The following EPM2A variants were observed in gnomAD, a reference collection of about 807,000 sequenced individuals.
EPM2A encodes the protein EPM2A glucan phosphatase, laforin, also known as laforin.
In EPM2A, 21 loss-of-function variants were observed where a neutral mutation model predicts 26.5. The observed-to-expected ratio is 0.79, with a 90% CI of 0.56 to 1.14. The LOEUF (loss-of-function observed/expected upper bound fraction) is 1.14, where lower values mean the gene tolerates loss of function less well. Among genes scored for constraint, EPM2A ranks in the 50% most tolerant of loss-of-function variants. The pLI, the probability that EPM2A is intolerant of heterozygous loss-of-function variation, is 0.00. For synonymous variants in EPM2A, 217 were observed against 177.6 expected (o/e 1.22, Z -1.76); for missense variants, 458 against 440.8 (o/e 1.04, Z -0.35).
At chr6:145,564,883 C>T (rs1780862020) in intron 2 of EPM2A, among the ~76,000 whole-genome samples, 1 of 152,088 alleles carries the variant, frequency 6.6e-6, no homozygotes, top group Non-Finnish European at 1.5e-5. Flanking sequence ...TCTAGCTACC[C>T]TGCAGCAACT....
At chr6:145,669,533 T>C (rs1779493254) in intron 2 of EPM2A, among the ~76,000 whole-genome samples, 1 of 152,198 alleles carries the variant, frequency 6.6e-6, no homozygotes. Context: ...CTGACCCTAA[T>C]ATAATCAGCT....
At chr6:145,462,336 C>T (rs1263285234) in intron 4 of EPM2A, among the ~76,000 whole-genome samples, 2 of 151,980 alleles carry the variant, frequency 1.3e-5, no homozygotes, top group African/African-American at 4.8e-5. Context: ...GGATCAACCC[C>T]GTGCAACAAA....
At chr6:145,725,163 A>T (rs1366956575) in intron 1 of EPM2A, among the ~76,000 whole-genome samples, 2 of 152,068 alleles carry the variant, frequency 1.3e-5, no homozygotes, top group Non-Finnish European at 2.9e-5. Context: ...ACACCCAAAG[A>T]ATATATACAG....
intron 4 of EPM2A, among the ~76,000 whole-genome samples, chr6:145,475,578 G>T (rs775559565): frequency 2.0e-5 from 3 of 151,568 alleles, no homozygotes; most frequent in African/African-American, 4.8e-5. Context: ...AAACCTGCAC[G>T]TTCTGCACAA....
chr6:145,626,687 A>G lies in EPM2A; in HGVS notation c.*729T>C. 1 of 982,582 alleles carries G rather than the reference A, an allele frequency of 1.0e-6. No homozygotes were observed. The highest frequency in any genetic ancestry group is 5.2e-4 in the Middle Eastern group (1 of 1,912). The allele number at this position is 982,582 out of a possible 1,614,324, so 60.9% of individuals were successfully genotyped here. On this transcript the variant is annotated 3_prime_UTR_variant, in exon 4 of 4. Coordinates refer to ENST00000367519, the MANE Select transcript of EPM2A (RefSeq NM_005670.4). ...CTGGTCATGAGACCTTGGACAAGCTACCTATGCTCATTAAGCCTCAATTTA... is the reference window on the plus strand; with the variant it reads ...CTGGTCATGAGACCTTGGACAAGCTGCCTATGCTCATTAAGCCTCAATTTA...
chr6:145,625,010 C>T (rs994221648), downstream of EPM2A, among the ~76,000 whole-genome samples: 8 of 152,096 alleles, frequency 5.3e-5, no homozygotes, highest in African/African-American at 1.9e-4. Context: ...TTGAGAAATC[C>T]GTGATTGAAA....
intron 4 of EPM2A, among the ~76,000 whole-genome samples, chr6:145,462,770 C>G (rs971885850): frequency 9.9e-5 from 15 of 152,048 alleles, no homozygotes; most frequent in Non-Finnish European, 2.2e-4. Context: ...TTTTCTGGAC[C>G]CATCAATCTA....
chr6:145,506,908 G>C lies in EPM2A; in HGVS notation c.341-4333C>G, dbSNP rs79765336. ...GAATAGATGAGAAACAAGCAAATAG[G>C]GTCCAGGATGCTTGCTGTGAACACC... On this transcript the variant is annotated intron_variant, in intron 2 of 3. Coordinates refer to the EPM2A transcript ENST00000450221. 7.7e-3 allele frequency among the ~76,000 whole-genome samples: 1,169 copies of C among 152,224 alleles called. 16 individuals are homozygous for C. The highest frequency in any genetic ancestry group is 0.027 in the African/African-American group (1,113 of 41,522).
intron 2 of EPM2A, among the ~76,000 whole-genome samples, chr6:145,531,029 A>G (rs1319531530): frequency 6.6e-6 from 1 of 152,192 alleles, no homozygotes; most frequent in Admixed American, 6.5e-5. Context: ...TTGCAGCAAA[A>G]CATAGAAAGA....
At chr6:145,575,754 C>G (rs1781022266) in intron 2 of EPM2A, among the ~76,000 whole-genome samples, 1 of 152,188 alleles carries the variant, frequency 6.6e-6, no homozygotes, top group Non-Finnish European at 1.5e-5. Context: ...TATCAGTGTT[C>G]TCCATACTAT....
chr6:145,599,106 A>C (rs1781384654), intron 2 of EPM2A, among the ~76,000 whole-genome samples: 1 of 152,064 alleles, frequency 6.6e-6, no homozygotes, highest in South Asian at 2.1e-4. Context: ...TTCCAGTTTT[A>C]CATGAATTTT....
At chr6:145,653,318 T>C (rs1778026353) in intron 2 of EPM2A, among the ~76,000 whole-genome samples, 1 of 152,212 alleles carries the variant, frequency 6.6e-6, no homozygotes, top group African/African-American at 2.4e-5. Context: ...TTTTCCCTGC[T>C]CTTGCTCACT....
At chr6:145,600,809 A>C (rs1279052317) in intron 2 of EPM2A, among the ~76,000 whole-genome samples, 2 of 152,202 alleles carry the variant, frequency 1.3e-5, no homozygotes, top group African/African-American at 4.8e-5. Flanking sequence ...GCCATTACCC[A>C]GGACAATATC....
At chr6:145,444,091 G>A (rs1054863297) in intron 4 of EPM2A, among the ~76,000 whole-genome samples, 5 of 152,150 alleles carry the variant, frequency 3.3e-5, no homozygotes, top group African/African-American at 1.2e-4. Flanking sequence ...CTATTTAGAT[G>A]TCTTTTATTA....
rs1396649 is a variant in EPM2A at position 145,546,408 on chromosome 6, G to A, written c.341-43833C>T. Among the ~76,000 whole-genome samples the A allele has an allele frequency of 1.3e-4, 20 of 152,240 alleles. No individual in the cohort carries two copies. The South Asian group carries it at 3.3e-3, about 25-fold the overall frequency. On this transcript the variant is annotated intron_variant, in intron 2 of 3. Coordinates refer to the EPM2A transcript ENST00000450221. ...GTGCTCAGTTTATTGGATGGTGCCT[G>A]CTCACATCAGTGAGGGCAGATCTTC... is the stretch of plus-strand genomic sequence containing the variant.
chr6:145,450,000 G>A (rs1039951188), intron 4 of EPM2A, among the ~76,000 whole-genome samples: 2 of 151,840 alleles, frequency 1.3e-5, no homozygotes, highest in Admixed American at 1.3e-4. Context: ...ATATTATATA[G>A]CTATTATAAT....
At chr6:145,584,385 G>C (rs953610759) in intron 2 of EPM2A, among the ~76,000 whole-genome samples, 1 of 152,190 alleles carries the variant, frequency 6.6e-6, no homozygotes, top group Non-Finnish European at 1.5e-5. Flanking sequence ...GGCAGACAGA[G>C]GTGAGCTCAG....
chr6:145,492,376 AC>A (rs1190613067), intron 4 of EPM2A, among the ~76,000 whole-genome samples: 1 of 151,934 alleles, frequency 6.6e-6, no homozygotes, highest in Non-Finnish European at 1.5e-5. Flanking sequence ...CGTACCTGCC[AC>A]CCCCAAGGCC....
intron 2 of EPM2A, among the ~76,000 whole-genome samples, chr6:145,587,414 CTGA>C (rs958990934): frequency 2.6e-5 from 4 of 152,116 alleles, no homozygotes; most frequent in African/African-American, 9.7e-5. Context: ...GAGTGATTGC[CTGA>C]TGTTTACTCT....
Sources: gnomAD v4.1 joint callset for allele counts (sites outside exome capture counted in the v4.1 genomes callset) on GRCh38, gnomAD v4.1.1 for gene constraint, MANE v1.5 for transcripts, NCBI Gene and HGNC (gene_info 2026-07-23, HGNC 2026-07-21) for gene names.